NFATC1: variants seen among roughly 807,000 people sequenced by gnomAD.
NFATC1 encodes nuclear factor of activated T-cells, cytoplasmic 1.
A neutral mutation model predicts 76.0 loss-of-function variants in NFATC1; 22 were observed. That is an observed-to-expected ratio of 0.29 (90% CI 0.21 to 0.41). NFATC1 has a LOEUF of 0.41. Among genes scored for constraint, NFATC1 ranks in the 10% least tolerant of loss-of-function variants. NFATC1 has a pLI of 1.00. For missense variants in NFATC1, 1,357 were observed against 1,337.7 expected (o/e 1.01, Z -0.23); for synonymous variants, 704 against 613.1 (o/e 1.15, Z -2.19).
At chr18:79,475,471 G>T (rs1018997186) in intron 8 of NFATC1, among the ~76,000 whole-genome samples, 3 of 150,170 alleles carry the variant, frequency 2.0e-5, no homozygotes, top group Non-Finnish European at 3.0e-5. Context: ...TGTGAGGGAA[G>T]GGTGTTTTCA....
intron 2 of NFATC1, among the ~76,000 whole-genome samples, chr18:79,426,030 G>A (rs968797464): frequency 3.9e-5 from 6 of 152,112 alleles, no homozygotes; most frequent in Non-Finnish European, 8.8e-5. Flanking sequence ...TGGGCAACAT[G>A]GAGAGACCCC....
chr18:79,422,019 G>C (rs1184241178), intron 2 of NFATC1: 2 of 152,218 alleles, frequency 1.3e-5, no homozygotes, highest in Non-Finnish European at 2.9e-5. Flanking sequence ...TAGGTGATTT[G>C]AGAAACCGCT....
rs578112915 is a variant in NFATC1, at chr18:79,419,151, G to A, written c.1226+7650G>A. ...TGACCCTCCCACCTCAGCCTGCCGA[G>A]TAGCTGGGACCACAGACGTGCGGCA... On this transcript the variant is annotated intron_variant, in intron 2 of 9. Transcript: ENST00000427363. 8.7e-4 allele frequency among the ~76,000 whole-genome samples: 132 copies of A among 152,264 alleles called. 2 individuals are homozygous for A. Among genetic ancestry groups the A allele is most frequent in the East Asian group, 6.9e-3 (36 of 5,184 alleles).
At chr18:79,455,679 T>C (rs1222008981) in intron 6 of NFATC1, among the ~76,000 whole-genome samples, 11 of 151,924 alleles carry the variant, frequency 7.2e-5, no homozygotes. Context: ...AGCCCTCCCC[T>C]GAGAAACCCC....
chr18:79,483,219 A>G (rs1202482028), intron 8 of NFATC1, among the ~76,000 whole-genome samples: 1 of 99,836 alleles, frequency 1.0e-5, no homozygotes, highest in Non-Finnish European at 2.0e-5. Flanking sequence ...GTGTAATTCC[A>G]GCGTGACCTG....
intron 3 of NFATC1, among the ~76,000 whole-genome samples, chr18:79,441,647 C>G (rs1168924635): frequency 6.6e-6 from 1 of 152,126 alleles, no homozygotes; most frequent in Non-Finnish European, 1.5e-5. Context: ...TCACTTCTGA[C>G]AAATGACAAG....
intron 8 of NFATC1, among the ~76,000 whole-genome samples, chr18:79,478,740 G>A (rs1157719451): frequency 6.6e-6 from 1 of 152,194 alleles, no homozygotes; most frequent in African/African-American, 2.4e-5. Context: ...TGGAAACGTC[G>A]TGCTCACCTG....
chr18:79,518,520 T>C (rs1412167532), intron 9 of NFATC1, among the ~76,000 whole-genome samples: 1 of 152,192 alleles, frequency 6.6e-6, no homozygotes, highest in African/African-American at 2.4e-5. Flanking sequence ...TCGTGAAAGA[T>C]GCAGATCAGA....
At chr18:79,433,539 G>C (rs1242388086) in intron 2 of NFATC1, 40 bp from the exon 3 acceptor site, 4 of 1,611,662 alleles carry the variant, frequency 2.5e-6, no homozygotes, top group South Asian at 2.2e-5. Flanking sequence ...GGCGAGGTCT[G>C]TGTGGTGCTG....
At chr18:79,456,567 G>GT (rs1420198646) in intron 6 of NFATC1, among the ~76,000 whole-genome samples, 3 of 152,230 alleles carry the variant, frequency 2.0e-5, no homozygotes, top group African/African-American at 7.2e-5. Context: ...CTAGGGTCTG[G>GT]TTCTTTCTCG....
intron 9 of NFATC1, among the ~76,000 whole-genome samples, chr18:79,493,175 G>A (rs1021798176): frequency 1.3e-5 from 2 of 152,232 alleles, no homozygotes; most frequent in South Asian, 4.1e-4. Context: ...TTTCTAATGT[G>A]ATCTCCACGC....
chr18:79,451,263 C>A, intron 5 of NFATC1, 137 bp downstream of exon 5: 2 of 1,111,714 alleles, frequency 1.8e-6, no homozygotes, highest in Non-Finnish European at 2.5e-6. Context: ...CAGTGTGTGG[C>A]CACGAGGGGT....
chr18:79,475,442 TCA>T (rs1366031451), intron 8 of NFATC1, among the ~76,000 whole-genome samples: 2 of 151,854 alleles, frequency 1.3e-5, no homozygotes, highest in African/African-American at 2.4e-5. Flanking sequence ...AAGCGTGTTC[TCA>T]CGCTCACTGT....
At chr18:79,430,505 C>A (rs950676058) in intron 2 of NFATC1, among the ~76,000 whole-genome samples, 1 of 152,212 alleles carries the variant, frequency 6.6e-6, no homozygotes, top group Non-Finnish European at 1.5e-5. Context: ...GCTTCACCCT[C>A]CCAAGTGGCT....
Position 79,410,966 on chromosome 18 carries a change from C to G in NFATC1, c.691C>G (p.Leu231Val). ...FPRGLGACTL[L>V]GSPRHSPSTS... ...CCGCGGGCTGGGGGCCTGCACACTG[C>G]TGGGTTCCCCGCGGCACTCCCCCTC... is the stretch of plus-strand genomic sequence containing the variant. The change falls in exon 2 of 10, where the codon CTG becomes GTG. Residue 231 changes from leucine (L) to valine (V), a missense_variant. Around this residue, in one of 3 missense-constraint regions of NFATC1, gnomAD observed 691 missense variants for 613.1 expected, o/e 1.13. Coordinates refer to ENST00000427363, the MANE Select transcript of NFATC1 (RefSeq NM_001278669.2). This position sits in a 1 kb window ranked among gnomAD's most constrained non-coding sequence, Gnocchi z 6.7. The G allele has an allele frequency of 1.9e-6, 3 of 1,602,832 alleles. No individual in the cohort carries two copies. The highest frequency in any genetic ancestry group is 2.6e-6 in the Non-Finnish European group (3 of 1,175,234).
rs574317088 is a variant in NFATC1 at position 79,520,062 on chromosome 18, C to T, written c.2783-7466C>T. On this transcript the variant is annotated intron_variant, in intron 9 of 9. Coordinates refer to ENST00000427363, the MANE Select transcript of NFATC1 (RefSeq NM_001278669.2). ...CACACCAGGAGAGGGGGCGTTTTGA[C>T]CGTCGGCAGGGGTGCCACTTGGAAG... is the stretch of plus-strand genomic sequence containing the variant. 5.9e-5 allele frequency among the ~76,000 whole-genome samples: 9 copies of T among 152,194 alleles called. No individual in the cohort carries two copies. The South Asian group carries it at 1.9e-3, about 32-fold the overall frequency.
intron 9 of NFATC1, among the ~76,000 whole-genome samples, chr18:79,522,977 C>T (rs941632907): frequency 2.0e-5 from 3 of 152,224 alleles, no homozygotes; most frequent in Non-Finnish European, 4.4e-5. Flanking sequence ...CGGCTGAGCT[C>T]AGACCCCAGT....
At chr18:79,422,978 CG>C (rs2086152027) in intron 2 of NFATC1, among the ~76,000 whole-genome samples, 1 of 149,160 alleles carries the variant, frequency 6.7e-6, no homozygotes, top group African/African-American at 2.5e-5. Flanking sequence ...CTCACCCATC[CG>C]GGGCAGGGCA....
chr18:79,498,450 A>T (rs2089946617), intron 9 of NFATC1: 1 of 152,238 alleles, frequency 6.6e-6, no homozygotes, highest in South Asian at 2.1e-4. Flanking sequence ...TGGCAGAGAA[A>T]AAGAATCAAA....
Sources: allele counts gnomAD v4.1 joint callset (sites outside exome capture counted in the v4.1 genomes callset), GRCh38; gene constraint gnomAD v4.1.1; regional missense constraint gnomAD v4.1.1; non-coding constraint Gnocchi (gnomAD v3.1); transcripts MANE v1.5; gene names NCBI Gene and HGNC (gene_info 2026-07-23, HGNC 2026-07-21).